N4BP2L2: variants seen among roughly 807,000 people sequenced by gnomAD.
The protein encoded by N4BP2L2 is NEDD4 binding protein 2 like 2.
N4BP2L2 carries 50 observed loss-of-function variants against 56.2 expected under a neutral mutation model. That is an observed-to-expected ratio of 0.89 (90% CI 0.71 to 1.13). The LOEUF (loss-of-function observed/expected upper bound fraction) is 1.13. N4BP2L2 is among the 50% of genes most tolerant of loss of function. The pLI, the probability that N4BP2L2 is intolerant of heterozygous loss-of-function variation, is 0.00. For synonymous variants in N4BP2L2, 203 were observed against 223.6 expected (o/e 0.91, Z 0.82); for missense variants, 689 against 693.8 (o/e 0.99, Z 0.08).
In N4BP2L2 at chr13:32,516,719, A is replaced by G. The variant is rs544299770; in HGVS notation, c.*1083T>C. The G allele has an allele frequency of 1.5e-3, 328 of 218,296 alleles. 4 individuals are homozygous for G. In the South Asian group the frequency reaches 0.03, roughly 20 times the overall value. The allele number at this position is 218,296 out of a possible 1,614,324, so 13.5% of individuals were successfully genotyped here. On this transcript the variant is annotated 3_prime_UTR_variant, in exon 6 of 6. Coordinates refer to ENST00000267068, the Ensembl canonical transcript of N4BP2L2. ...TTTCCCCTAAAAAGAGTAAATCAAA[A>G]AAGTAAATCAAAACTGTTGAAGAAA...
At chr13:32,529,442 T>C (rs1195565261) in intron 2 of N4BP2L2, among the ~76,000 whole-genome samples, 1 of 152,190 alleles carries the variant, frequency 6.6e-6, no homozygotes, top group East Asian at 1.9e-4. Context: ...GCAGCCATGA[T>C]TTATCCAAAA....
At chr13:32,503,172 C>CAAAAA (rs35773755) in intron 6 of N4BP2L2, among the ~76,000 whole-genome samples, 606 of 57,956 alleles carry the variant, frequency 0.01, 26 homozygotes, top group African/African-American at 0.032. Flanking sequence ...GACTCTGTAG[C>CAAAAA]AAAAAAAAAA....
intron 9 of N4BP2L2, among the ~76,000 whole-genome samples, chr13:32,433,494 G>C (rs2075064918): frequency 2.6e-5 from 4 of 152,036 alleles, no homozygotes; most frequent in Admixed American, 2.6e-4. Context: ...AAATTAGCTG[G>C]GTGTTGTGGC....
At position 32,438,727 on chromosome 13, in the gene N4BP2L2, CA is replaced by C. The variant is rs1566009715; in HGVS notation, c.2114del (p.Leu705CysfsTer14). The C allele has an allele frequency of 6.2e-7, 1 of 1,607,594 alleles. No homozygotes were observed. The highest frequency in any genetic ancestry group is 8.5e-7 in the Non-Finnish European group (1 of 1,175,014). ...CAAGGGGAACCACATAGTCATCAGG[CA>C]ACAAGGATTCTGTGAAAGAAAGAAA... On this transcript the variant is annotated frameshift_variant, in exon 8 of 10. Coordinates refer to the N4BP2L2 transcript ENST00000357505. LOFTEE classifies it high-confidence loss of function.
At position 32,472,412 on chromosome 13, in the gene N4BP2L2, G is replaced by A. The variant is rs76067923; in HGVS notation, c.366-28286C>T. Reference sequence around the variant, plus strand: ...TGCAACACTTCCTTTTTGCTGTGCTGGTTATTTTTCTTCATATATAATGCC... The same window carrying A: ...TGCAACACTTCCTTTTTGCTGTGCTAGTTATTTTTCTTCATATATAATGCC... On this transcript the variant is annotated intron_variant, in intron 6 of 9. Transcript: ENST00000357505. 1.5e-4 allele frequency among the ~76,000 whole-genome samples: 23 copies of A among 152,272 alleles called. No individual in the cohort carries two copies. The East Asian group carries it at 4.2e-3, about 28-fold the overall frequency.
intron 3 of N4BP2L2, among the ~76,000 whole-genome samples, chr13:32,526,160 G>A (rs1034143891): frequency 1.3e-5 from 2 of 152,158 alleles, no homozygotes; most frequent in Non-Finnish European, 2.9e-5. Flanking sequence ...ACTACAGCAT[G>A]TGGAACTTTC....
At position 32,537,124 on chromosome 13, in the gene N4BP2L2, T is replaced by C. The variant is rs572191156; in HGVS notation, c.1-97A>G. ...AAGAAATTAGACAAAGACATTTAAA[T>C]TTGTGATATATTTAATGGTAACAAT... On this transcript the variant is annotated intron_variant, in intron 1 of 5. Transcript: ENST00000267068. 5.6e-6 allele frequency: 5 copies of C among 891,318 alleles called. No homozygotes were observed. In the East Asian group the frequency reaches 1.5e-4, roughly 26 times the overall value. The allele number at this position is 891,318 out of a possible 1,614,324, so 55.2% of individuals were successfully genotyped here. A position where few individuals can be genotyped will look rare whatever the true frequency, so the allele number is the denominator to read the frequency against.
chr13:32,465,173 G>A (rs571904179), intron 6 of N4BP2L2, among the ~76,000 whole-genome samples: 1 of 152,098 alleles, frequency 6.6e-6, no homozygotes, highest in South Asian at 2.1e-4. Flanking sequence ...CACCATGTTG[G>A]CCAAGCTGGT....
At chr13:32,471,725 T>C (rs778862457) in intron 6 of N4BP2L2, among the ~76,000 whole-genome samples, 6 of 152,204 alleles carry the variant, frequency 3.9e-5, no homozygotes, top group Non-Finnish European at 5.9e-5. Context: ...GTGAGAGAGC[T>C]GCTGCGAGAG....
intron 6 of N4BP2L2, among the ~76,000 whole-genome samples, chr13:32,463,918 C>CAAA (rs58685358): frequency 3.1e-5 from 2 of 64,174 alleles, no homozygotes; most frequent in African/African-American, 6.1e-5. Flanking sequence ...TGCCCATGAC[C>CAAA]AAAAAAAAAA....
intron 6 of N4BP2L2, among the ~76,000 whole-genome samples, chr13:32,469,942 C>G (rs1207586978): frequency 6.6e-6 from 1 of 152,118 alleles, no homozygotes; most frequent in African/African-American, 2.4e-5. Flanking sequence ...CAGAGGGACA[C>G]TGGACCACCG....
At chr13:32,519,244 CAAA>C (rs568918720) in intron 5 of N4BP2L2, among the ~76,000 whole-genome samples, 8 of 113,342 alleles carry the variant, frequency 7.1e-5, no homozygotes, top group Non-Finnish European at 5.8e-5. Context: ...CCGTCTCTAC[CAAA>C]AAAAAAAAAA....
intron 6 of N4BP2L2, among the ~76,000 whole-genome samples, chr13:32,474,650 G>A (rs1209374678): frequency 1.3e-5 from 2 of 152,096 alleles, no homozygotes; most frequent in African/African-American, 4.8e-5. Context: ...AGCCAAGATC[G>A]TGCCACTGCA....
At chr13:32,499,536 CA>C (rs2089556278) in intron 6 of N4BP2L2, among the ~76,000 whole-genome samples, 2 of 152,168 alleles carry the variant, frequency 1.3e-5, no homozygotes, top group Admixed American at 6.5e-5. Context: ...TCATGATCGC[CA>C]AAAGCTAGAA....
chr13:32,520,969 G>C (rs2050727238), intron 5 of N4BP2L2, among the ~76,000 whole-genome samples: 1 of 152,142 alleles, frequency 6.6e-6, no homozygotes, highest in Non-Finnish European at 1.5e-5. Flanking sequence ...GAAATATTAA[G>C]ATGTTTGATT....
intron 6 of N4BP2L2, among the ~76,000 whole-genome samples, chr13:32,483,181 A>T (rs2085136325): frequency 6.6e-6 from 1 of 152,250 alleles, no homozygotes; most frequent in Non-Finnish European, 1.5e-5. Context: ...AGAGGCTATA[A>T]TTCACAACTA....
chr13:32,436,531 T>C, intron 8 of N4BP2L2: 1 of 399,300 alleles, frequency 2.5e-6, no homozygotes, highest in Non-Finnish European at 4.6e-6. Flanking sequence ...GGCTCACGCC[T>C]GTAATCCCAG....
chr13:32,516,833 T>C (rs1047424147), exon 6 of N4BP2L2: 15 of 885,162 alleles, frequency 1.7e-5, no homozygotes, highest in Non-Finnish European at 1.9e-5. Flanking sequence ...CTTAATTATC[T>C]AGGTTAGTCT....
At chr13:32,468,781 C>A (rs1430480741) in intron 6 of N4BP2L2, among the ~76,000 whole-genome samples, 1 of 152,202 alleles carries the variant, frequency 6.6e-6, no homozygotes, top group Non-Finnish European at 1.5e-5. Flanking sequence ...TGATGCCCTG[C>A]ACACCCAGAG....
Sources: gnomAD v4.1 joint callset for allele counts (sites outside exome capture counted in the v4.1 genomes callset) on GRCh38, gnomAD v4.1.1 for gene constraint, MANE v1.5 for transcripts, NCBI Gene and HGNC (gene_info 2026-07-23, HGNC 2026-07-21) for gene names.